The following MANBA variants were observed in gnomAD, a reference collection of about 807,000 sequenced individuals.
MANBA encodes the protein beta-mannosidase.
In MANBA, 83 loss-of-function variants were observed where a neutral mutation model predicts 111.1. The ratio of observed to expected loss-of-function variants is 0.75; its 90% confidence interval spans 0.63 to 0.90. MANBA has a LOEUF of 0.90. Among genes scored for constraint, MANBA ranks in the 40% least tolerant of loss-of-function variants. The probability of loss-of-function intolerance (pLI) is 0.00; values close to 1 mark genes in which losing one functional copy is unlikely to be tolerated. For missense variants in MANBA, 1,036 were observed against 1,069.0 expected (o/e 0.97, Z 0.43); for synonymous variants, 370 against 378.7 (o/e 0.98, Z 0.27).
chr4:102,695,182 A>G (rs1168289092), intron 5 of MANBA, among the ~76,000 whole-genome samples: 2 of 152,162 alleles, frequency 1.3e-5, no homozygotes, highest in Non-Finnish European at 2.9e-5. Context: ...TCAGCCTTCA[A>G]AATCTTCTCA....
rs1729442663 is a variant in MANBA at position 102,632,613 on chromosome 4, T to TG, written c.2416-333dup. On this transcript the variant is annotated intron_variant, in intron 16 of 16. Coordinates refer to ENST00000647097, the MANE Select transcript of MANBA (RefSeq NM_005908.4). ...GAGAGCAACATTTTTACATACAGCC[T>TG]GGGTGGTTTTAATGACTTTCTAAGG... 2.0e-5 allele frequency among the ~76,000 whole-genome samples: 3 copies of TG among 152,220 alleles called. No homozygotes were observed. In the South Asian group the frequency reaches 6.2e-4, roughly 32 times the overall value.
intron 1 of MANBA, among the ~76,000 whole-genome samples, chr4:102,748,869 T>A (rs924574171): frequency 1.3e-5 from 2 of 151,936 alleles, no homozygotes; most frequent in African/African-American, 4.8e-5. Flanking sequence ...GGCGAGATCG[T>A]GCCATTGCAC....
At chr4:102,742,033 T>C (rs562775496) in intron 1 of MANBA, among the ~76,000 whole-genome samples, 1 of 152,326 alleles carries the variant, frequency 6.6e-6, no homozygotes, top group South Asian at 2.1e-4. Context: ...GGTAATACTA[T>C]GAGACACCCC....
At position 102,694,827 on chromosome 4, in the gene MANBA, CT is replaced by C. The variant is rs148961081; in HGVS notation, c.674-4057del. 2.6e-3 allele frequency among the ~76,000 whole-genome samples: 398 copies of C among 152,144 alleles called. 8 individuals carry two copies. The East Asian group carries it at 0.066, about 25-fold the overall frequency. On this transcript the variant is annotated intron_variant, in intron 5 of 16. Coordinates refer to ENST00000647097, the MANE Select transcript of MANBA (RefSeq NM_005908.4). The stretch of plus-strand genomic sequence containing the variant: ...GCCTGCCCTCTCCACAATTCAAGGC[CT>C]TGAGGCCCTCCCTGGCCTGAAGGCT...
Position 102,674,005 on chromosome 4 carries a change from A to G in MANBA, c.1026T>C (p.Tyr342=), listed in dbSNP as rs1731612536. Residue 342 remains tyrosine, a synonymous_variant, in exon 8 of 17, where the codon TAT becomes TAC. Transcript: ENST00000647097. The stretch of plus-strand genomic sequence containing the variant: ...ATATGGGAAATCCATTAATTTTGAA[A>G]TAGAAACTCAAACCAGGAGACCCTT... ...PIKGSPGLSF[Y]FKINGFPIFL... 2.5e-6 allele frequency: 4 copies of G among 1,606,668 alleles called. No homozygotes were observed. Among genetic ancestry groups the G allele is most frequent in the Non-Finnish European group, 3.4e-6 (4 of 1,173,304 alleles).
chr4:102,734,744 T>A, intron 1 of MANBA: 1 of 626,310 alleles, frequency 1.6e-6, no homozygotes, highest in Non-Finnish European at 2.8e-6. Context: ...CCCTCTGACC[T>A]CAGAGATCTA....
rs1731613191 is a variant in MANBA, at chr4:102,674,020, A to G, written c.1011T>C (p.Pro337=). 1 of 1,605,836 alleles carries G rather than the reference A, an allele frequency of 6.2e-7. No individual in the cohort carries two copies. The highest frequency in any genetic ancestry group is 1.3e-5 in the African/African-American group (1 of 74,766). The change falls in exon 8 of 17, where the codon CCT becomes CCC. Residue 337 remains proline, a synonymous_variant. Coordinates refer to ENST00000647097, the MANE Select transcript of MANBA (RefSeq NM_005908.4). ...ELIEEPIKGS[P]GLSFYFKING... ...TAATTTTGAAATAGAAACTCAAACC[A>G]GGAGACCCTTTTATAGGCTCTTCTA...
In MANBA at chr4:102,746,044, C is replaced by T. The variant is rs117087560; in HGVS notation, c.177+14674G>A. On this transcript the variant is annotated intron_variant, in intron 1 of 16. Coordinates refer to ENST00000647097, the MANE Select transcript of MANBA (RefSeq NM_005908.4). ...GGAGGCCATCACTGTTGCCTCCAGGCAGCGCATGGTTTATCTCCTCAGACA... is the reference window on the plus strand; with the variant it reads ...GGAGGCCATCACTGTTGCCTCCAGGTAGCGCATGGTTTATCTCCTCAGACA... 2.3e-4 allele frequency among the ~76,000 whole-genome samples: 35 copies of T among 152,278 alleles called. No individual in the cohort carries two copies. The East Asian group carries it at 5.8e-3, about 25-fold the overall frequency.
chr4:102,688,385 T>G, intron 7 of MANBA, among the ~76,000 whole-genome samples: 1 of 41,310 alleles, frequency 2.4e-5, no homozygotes, highest in Admixed American at 2.6e-4. Context: ...CCCTCCCCCC[T>G]TACACACACA....
At chr4:102,743,744 T>C (rs1012284069) in intron 1 of MANBA, among the ~76,000 whole-genome samples, 8 of 152,336 alleles carry the variant, frequency 5.3e-5, no homozygotes, top group Middle Eastern at 6.8e-3. Flanking sequence ...ACCCACTTCA[T>C]GATAGGCAGT....
At chr4:102,741,961 C>T (rs2110205999) in intron 1 of MANBA, among the ~76,000 whole-genome samples, 1 of 152,244 alleles carries the variant, frequency 6.6e-6, no homozygotes. Context: ...GGGTCTGGGC[C>T]ATTTGTAGTC....
At chr4:102,676,003 A>G (rs902263528) in intron 7 of MANBA, among the ~76,000 whole-genome samples, 4 of 152,116 alleles carry the variant, frequency 2.6e-5, no homozygotes, top group African/African-American at 9.7e-5. Flanking sequence ...TTCTCAACCT[A>G]TAACTGCACT....
At chr4:102,633,436 T>C (rs1729476096) in intron 16 of MANBA, 2 of 398,538 alleles carry the variant, frequency 5.0e-6, no homozygotes, top group Non-Finnish European at 8.8e-6. Flanking sequence ...CTCCTCTCTG[T>C]ATGTCTGACT....
intron 13 of MANBA, among the ~76,000 whole-genome samples, chr4:102,641,126 G>A (rs151172814): frequency 1.8e-3 from 270 of 152,282 alleles, no homozygotes; most frequent in African/African-American, 5.9e-3. Flanking sequence ...GGGCAATTGG[G>A]CAGAGCTGTA....
chr4:102,717,425 T>A (rs1257992385), intron 4 of MANBA, among the ~76,000 whole-genome samples: 1 of 127,644 alleles, frequency 7.8e-6, no homozygotes, highest in Non-Finnish European at 1.6e-5. Flanking sequence ...AGGCAGGAAC[T>A]TTTTTTTTTT....
At chr4:102,697,830 G>C (rs1472281312) in intron 5 of MANBA, among the ~76,000 whole-genome samples, 2 of 152,128 alleles carry the variant, frequency 1.3e-5, no homozygotes, top group Non-Finnish European at 2.9e-5. Flanking sequence ...CTGTGCATGT[G>C]TCTTTAGAGC....
At chr4:102,641,257 G>A (rs1375060305) in intron 13 of MANBA, among the ~76,000 whole-genome samples, 1 of 152,202 alleles carries the variant, frequency 6.6e-6, no homozygotes, top group Admixed American at 6.5e-5. Flanking sequence ...GGAAGGCCAA[G>A]AAGGCCTGAG....
At chr4:102,657,402 T>C (rs1157849070) in intron 12 of MANBA, among the ~76,000 whole-genome samples, 3 of 152,200 alleles carry the variant, frequency 2.0e-5, no homozygotes, top group Non-Finnish European at 2.9e-5. Flanking sequence ...GCAAGAGTTA[T>C]TGTAGCAAGT....
At chr4:102,725,188 T>C (rs952778163) in intron 2 of MANBA, among the ~76,000 whole-genome samples, 10 of 152,340 alleles carry the variant, frequency 6.6e-5, no homozygotes, top group South Asian at 6.2e-4. Context: ...GTTTTGTAAC[T>C]GTAAGTATAC....
Sources: gnomAD v4.1 joint callset for allele counts (sites outside exome capture counted in the v4.1 genomes callset) on GRCh38, gnomAD v4.1.1 for gene constraint, MANE v1.5 for transcripts, NCBI Gene and HGNC (gene_info 2026-07-23, HGNC 2026-07-21) for gene names.